Variants in FRMPD3 observed in about 807,000 individuals in gnomAD.
The protein encoded by FRMPD3 is FERM and PDZ domain containing 3.
FRMPD3 carries 42 observed loss-of-function variants against 97.9 expected under a neutral mutation model. The ratio of observed to expected loss-of-function variants is 0.43; its 90% confidence interval spans 0.34 to 0.55. The LOEUF is 0.55. Ranked by LOEUF, FRMPD3 falls within the 20% of genes least tolerant of loss-of-function variation. FRMPD3 has a pLI of 0.03. For missense variants in FRMPD3, 1,303 were observed against 1,457.7 expected, an observed-to-expected ratio of 0.89 and a Z score of 1.73; for synonymous variants, 577 against 581.1, an observed-to-expected ratio of 0.99 and a Z score of 0.10.
intron 12 of FRMPD3, among the ~76,000 whole-genome samples, 161 bp downstream of exon 12, chrX:107,565,227 C>T (rs1369945819): frequency 8.9e-6 from 1 of 112,082 alleles, no homozygotes; most frequent in African/African-American, 3.2e-5. Flanking sequence ...CTCTTCTCAG[C>T]CCTCTGGGAC....
chrX:107,560,639 C>T, intron 9 of FRMPD3, 88 bp from the exon 10 acceptor site: 1 of 1,045,404 alleles, frequency 9.6e-7, no homozygotes, highest in Non-Finnish European at 1.3e-6. Context: ...ATCTCTACCT[C>T]TCAGATTCAG....
intron 10 of FRMPD3, among the ~76,000 whole-genome samples, chrX:107,561,493 AC>A (rs1015859423): frequency 9.0e-6 from 1 of 111,498 alleles, no homozygotes; most frequent in African/African-American, 3.3e-5. Context: ...AGAATGGGTC[AC>A]TGGGTGGAAT....
chrX:107,564,867 C>T lies in FRMPD3; in HGVS notation c.1117-20C>T, dbSNP rs1922532908. On this transcript the variant is annotated intron_variant, in intron 11 of 14. Transcript: ENST00000683843. Reference sequence around the variant, plus strand: ...CCACCCTTCCTTCTGTGAACGTTGCCTGCCATTCTTGGGCACCAGGATGAG... The same window carrying T: ...CCACCCTTCCTTCTGTGAACGTTGCTTGCCATTCTTGGGCACCAGGATGAG... 8.3e-7 allele frequency: 1 copy of T among 1,209,164 alleles called. No individual in the cohort carries two copies. The highest frequency in any genetic ancestry group is 1.1e-6 in the Non-Finnish European group (1 of 894,040).
At position 107,585,236 on chromosome X, in the gene FRMPD3, C is replaced by G. The variant is rs770430090; in HGVS notation, c.1441+8777C>G. Among the ~76,000 whole-genome samples, 4 of 110,845 alleles carry G rather than the reference C, an allele frequency of 3.6e-5. No homozygotes were observed. In the Admixed American group the frequency reaches 3.9e-4, roughly 11 times the overall value. On this transcript the variant is annotated intron_variant, in intron 13 of 14. Coordinates refer to ENST00000683843, the MANE Select transcript of FRMPD3 (RefSeq NM_001388459.1). ...ATGGGAGTTCATTCATGATTTGGCT[C>G]TCTGCTTGTCTATTGTTGGTGTAAA...
chrX:107,563,123 C>T lies in FRMPD3; in HGVS notation c.1039C>T (p.Gln347Ter). ...GGTTTTTCCACAGGGCTCTGCAATTCAGGCAAAGCTCCAGTATCTACGAAT... is the reference window on the plus strand; with the variant it reads ...GGTTTTTCCACAGGGCTCTGCAATTTAGGCAAAGCTCCAGTATCTACGAAT... Reference protein sequence around the residue: ...PSCGTKGSAIQAKLQYLRILN... With the variant: ...PSCGTKGSAI Residue 347 changes from glutamine to a stop codon, truncating the protein, a stop_gained, in exon 11 of 15, where the codon CAG becomes TAG. Coordinates refer to ENST00000683843, the MANE Select transcript of FRMPD3 (RefSeq NM_001388459.1). LOFTEE classifies it high-confidence loss of function. 1 of 1,209,082 alleles carries T rather than the reference C, an allele frequency of 8.3e-7. No homozygotes were observed. Among genetic ancestry groups the T allele is most frequent in the Non-Finnish European group, 1.1e-6 (1 of 893,898 alleles).
At chrX:107,457,875 C>T (rs1048040537) in intron 1 of FRMPD3, among the ~76,000 whole-genome samples, 3 of 111,662 alleles carry the variant, frequency 2.7e-5, no homozygotes, top group Non-Finnish European at 3.8e-5. Context: ...TTCTTCTGCT[C>T]CCCCCTCCCT....
chrX:107,554,835 C>G (rs1181769497), intron 8 of FRMPD3: 1 of 222,475 alleles, frequency 4.5e-6, no homozygotes, highest in African/African-American at 2.8e-5. Flanking sequence ...CCCCCAATAC[C>G]TAGCTCCAGT....
intron 1 of FRMPD3, among the ~76,000 whole-genome samples, chrX:107,504,261 C>A (rs1921980439): frequency 8.9e-6 from 1 of 112,778 alleles, no homozygotes; most frequent in Non-Finnish European, 1.9e-5. Context: ...TCTGTTGCTC[C>A]CTCTGACTTC....
At chrX:107,564,459 G>T (rs1404364397) in intron 11 of FRMPD3, among the ~76,000 whole-genome samples, 1 of 112,134 alleles carries the variant, frequency 8.9e-6, no homozygotes, top group Non-Finnish European at 1.9e-5. Flanking sequence ...GTGGGGGGAG[G>T]GTAAAGACCA....
chrX:107,578,908 A>G (rs1485938268), intron 13 of FRMPD3, among the ~76,000 whole-genome samples: 1 of 111,209 alleles, frequency 9.0e-6, no homozygotes, highest in African/African-American at 3.3e-5. Flanking sequence ...ATTTTGTCTC[A>G]TGGCCGCTAA....
At chrX:107,554,647 AT>A in intron 8 of FRMPD3, 143 bp downstream of exon 8, 2 of 795,622 alleles carry the variant, frequency 2.5e-6, no homozygotes, top group Non-Finnish European at 3.5e-6. Context: ...TTCTGCTACC[AT>A]CGTAGGCCAT....
At chrX:107,558,962 G>A (rs928671806) in intron 8 of FRMPD3, among the ~76,000 whole-genome samples, 3 of 110,043 alleles carry the variant, frequency 2.7e-5, no homozygotes, top group African/African-American at 9.9e-5. Context: ...TGTGACTTTA[G>A]GCATGAGCCA....
chrX:107,598,289 C>A, intron 14 of FRMPD3, 147 bp downstream of exon 14: 2 of 487,387 alleles, frequency 4.1e-6, no homozygotes, highest in South Asian at 3.6e-5. Flanking sequence ...TAGATAGGGT[C>A]AGAGGAGCAA....
chrX:107,601,507 C>G lies in FRMPD3; in HGVS notation c.3468C>G (p.Ser1156Arg). Residue 1156 changes from serine (S) to arginine (R), a missense_variant, in exon 15 of 15, where the codon AGC becomes AGG. Transcript: ENST00000683843. ...SCQPHGHSPS[S>R]QSRGQSPSCQ... ...AGCCTCATGGCCACAGCCCCAGCAGCCAGTCTCGAGGTCAGAGCCCCAGCT... is the reference window on the plus strand; with the variant it reads ...AGCCTCATGGCCACAGCCCCAGCAGGCAGTCTCGAGGTCAGAGCCCCAGCT... 1.7e-6 allele frequency: 2 copies of G among 1,172,255 alleles called. No individual in the cohort carries two copies. The highest frequency in any genetic ancestry group is 2.3e-6 in the Non-Finnish European group (2 of 876,344).
chrX:107,503,101 G>C (rs1921953915), intron 1 of FRMPD3, among the ~76,000 whole-genome samples: 1 of 111,877 alleles, frequency 8.9e-6, no homozygotes. Context: ...GGGAGGCTGA[G>C]GGGTACAAGA....
At chrX:107,582,862 T>C (rs1312629479) in intron 13 of FRMPD3, among the ~76,000 whole-genome samples, 1 of 111,917 alleles carries the variant, frequency 8.9e-6, no homozygotes, top group Non-Finnish European at 1.9e-5. Context: ...CTTGTGATTC[T>C]ATATTAATTC....
chrX:107,581,831 T>G, intron 13 of FRMPD3, among the ~76,000 whole-genome samples: 1 of 112,499 alleles, frequency 8.9e-6, no homozygotes, highest in Middle Eastern at 4.6e-3. Context: ...CATGCACCAG[T>G]ACTTCATTCC....
Position 107,597,705 on chromosome X carries a change from A to C in FRMPD3, c.1826A>C (p.Asn609Thr). 2.5e-6 allele frequency: 3 copies of C among 1,209,070 alleles called. No homozygotes were observed. The highest frequency in any genetic ancestry group is 3.4e-6 in the Non-Finnish European group (3 of 894,523). ...AATTCCCTTGGGGCTGAAGCCCTGA[A>C]TTTCTACTGTGACTCTTGCAAAGCC... ...LDNSLGAEAL[N>T]FYCDSCKAKL... is the part of the protein sequence containing the mutation. Residue 609 changes from asparagine to threonine, a missense_variant, in exon 14 of 15, where the codon AAT becomes ACT. By Grantham distance (65) the Asn-to-Thr change is moderately conservative. Transcript: ENST00000683843.
At chrX:107,485,045 A>C (rs931850767) in intron 1 of FRMPD3, among the ~76,000 whole-genome samples, 12 of 112,469 alleles carry the variant, frequency 1.1e-4, no homozygotes, top group Non-Finnish European at 2.3e-4. Context: ...GGAACCCCAG[A>C]TTCTGTTTGT....
Sources: gnomAD v4.1 joint callset for allele counts (sites outside exome capture counted in the v4.1 genomes callset) on GRCh38, gnomAD v4.1.1 for gene constraint, MANE v1.5 for transcripts, NCBI Gene and HGNC (gene_info 2026-07-23, HGNC 2026-07-21) for gene names.